Variants in ECE1 observed in about 807,000 individuals in gnomAD.
ECE1 encodes endothelin-converting enzyme 1.
ECE1 carries 35 observed loss-of-function variants against 98.6 expected under a neutral mutation model. That is an observed-to-expected ratio of 0.35 (90% CI 0.27 to 0.47). The LOEUF (loss-of-function observed/expected upper bound fraction) is 0.47, where lower values mean the gene tolerates loss of function less well. ECE1 is among the 20% of genes least tolerant of loss of function. The pLI is 1.00. For missense variants in ECE1, 814 were observed against 1,025.3 expected (o/e 0.79, Z 2.81); for synonymous variants, 394 against 407.1 (o/e 0.97, Z 0.39).
chr1:21,270,243 G>A (rs1294993363), intron 4 of ECE1, among the ~76,000 whole-genome samples: 3 of 152,230 alleles, frequency 2.0e-5, no homozygotes, highest in Non-Finnish European at 4.4e-5. Context: ...CTATAAAATG[G>A]GAACAACAAT....
chr1:21,296,939 G>A (rs1382069479), intron 1 of ECE1, among the ~76,000 whole-genome samples: 3 of 152,210 alleles, frequency 2.0e-5, no homozygotes, highest in African/African-American at 7.2e-5. Flanking sequence ...GAAGGCAGCA[G>A]GTGGGCAGGG....
At chr1:21,277,954 A>G (rs2098249427) in intron 3 of ECE1, among the ~76,000 whole-genome samples, 1 of 152,178 alleles carries the variant, frequency 6.6e-6, no homozygotes, top group Non-Finnish European at 1.5e-5. Flanking sequence ...GCTCTTTTCT[A>G]GGCCCCTGAG....
upstream of ECE1, among the ~76,000 whole-genome samples, chr1:21,291,603 A>G (rs529183517): frequency 6.6e-6 from 1 of 152,274 alleles, no homozygotes; most frequent in East Asian, 1.9e-4. Context: ...AGTTGGGTAG[A>G]TCACTTGAGG....
intron 1 of ECE1, among the ~76,000 whole-genome samples, chr1:21,305,992 G>A (rs1334045766): frequency 6.6e-6 from 1 of 152,246 alleles, no homozygotes; most frequent in Non-Finnish European, 1.5e-5. Flanking sequence ...TGGGCCCTGA[G>A]CAAGCAGCTG....
intron 10 of ECE1, among the ~76,000 whole-genome samples, chr1:21,238,662 T>TC (rs2103245266): frequency 1.3e-5 from 2 of 152,194 alleles, no homozygotes; most frequent in East Asian, 3.9e-4. Context: ...TCGTCCTGCC[T>TC]CCTGGGAAGA....
At chr1:21,320,415 C>CT (rs3061088) in intron 1 of ECE1, among the ~76,000 whole-genome samples, 22 of 151,702 alleles carry the variant, frequency 1.5e-4, no homozygotes, top group Non-Finnish European at 7.4e-5. Context: ...GAGAAATAAG[C>CT]TTTTTAAAAA....
At position 21,218,151 on chromosome 1, in the gene ECE1, C is replaced by T. The variant is rs776874467; in HGVS notation, c.*1804G>A. ...CAGGGAGGAGACAGACACCACAGGC[C>T]AGACTGGGTGGAGGAATCTTCCCCT... On this transcript the variant is annotated 3_prime_UTR_variant, in exon 19 of 19. Transcript: ENST00000374893. This position sits in a 1 kb window ranked among gnomAD's most constrained non-coding sequence, Gnocchi z 4.0. 1.3e-5 allele frequency: 2 copies of T among 152,340 alleles called. No individual in the cohort carries two copies. Among genetic ancestry groups the T allele is most frequent in the Non-Finnish European group, 1.5e-5 (1 of 68,144 alleles). The allele number at this position is 152,340 out of a possible 1,614,324, so 9.4% of individuals were successfully genotyped here. A position where few individuals can be genotyped will look rare whatever the true frequency, so the allele number is the denominator to read the frequency against.
intron 2 of ECE1, among the ~76,000 whole-genome samples, chr1:21,280,422 G>A (rs2098253083): frequency 6.6e-6 from 1 of 152,214 alleles, no homozygotes; most frequent in African/African-American, 2.4e-5. Context: ...AACGGGTGAT[G>A]TCTGGCCTGG....
In ECE1 at chr1:21,319,748, T is replaced by A. The variant is rs1302367179; in HGVS notation, c.3+25628A>T. 1.3e-5 allele frequency among the ~76,000 whole-genome samples: 2 copies of A among 152,170 alleles called. No individual in the cohort carries two copies. Among genetic ancestry groups the A allele is most frequent in the Admixed American group, 6.5e-5 (1 of 15,280 alleles). On this transcript the variant is annotated intron_variant, in intron 1 of 18. Coordinates refer to the ECE1 transcript ENST00000415912. The surrounding 1 kb of genome is among the most constrained non-coding windows in gnomAD (Gnocchi z 4.4). Reference sequence around the variant, plus strand: ...GCACGGCTCACTGTTCCCTAGTTTGTCTTGGTCCCCCAGAGGGCCAACAAG... The same window carrying A: ...GCACGGCTCACTGTTCCCTAGTTTGACTTGGTCCCCCAGAGGGCCAACAAG...
At chr1:21,314,037 A>G (rs1429745340) in intron 1 of ECE1, among the ~76,000 whole-genome samples, 2 of 152,230 alleles carry the variant, frequency 1.3e-5, no homozygotes, top group African/African-American at 4.8e-5. Context: ...CACCAGCAAA[A>G]GCCACATCTT....
intron 1 of ECE1, among the ~76,000 whole-genome samples, chr1:21,333,579 C>A (rs533793815): frequency 6.6e-6 from 1 of 152,318 alleles, no homozygotes; most frequent in Admixed American, 6.5e-5. Flanking sequence ...CGCCCATAAT[C>A]CCAACTTCTT....
chr1:21,247,401 C>T, intron 8 of ECE1, 38 bp from the exon 9 acceptor site: 1 of 1,614,060 alleles, frequency 6.2e-7, no homozygotes, highest in South Asian at 1.1e-5. Context: ...TGTGGGGCTG[C>T]TCCTCCTCAC....
chr1:21,251,395 A>G (rs9426751), intron 8 of ECE1, among the ~76,000 whole-genome samples: 6,608 of 151,636 alleles, frequency 0.044, 489 homozygotes, highest in African/African-American at 0.15. Flanking sequence ...CACGCCTGTA[A>G]TCCCAGCTAC....
intron 14 of ECE1, among the ~76,000 whole-genome samples, chr1:21,231,267 T>C (rs2098181400): frequency 6.6e-6 from 1 of 152,178 alleles, no homozygotes; most frequent in South Asian, 2.1e-4. Flanking sequence ...GTGAGATGGG[T>C]ACCACATTTC....
At chr1:21,311,676 G>A (rs573704770) in intron 1 of ECE1, among the ~76,000 whole-genome samples, 61 of 151,928 alleles carry the variant, frequency 4.0e-4, no homozygotes, top group African/African-American at 1.4e-3. Context: ...ATTAGCAGGC[G>A]TGGTGGTGCA....
At chr1:21,231,602 A>G (rs975172100) in intron 14 of ECE1, among the ~76,000 whole-genome samples, 1 of 152,090 alleles carries the variant, frequency 6.6e-6, no homozygotes, top group Non-Finnish European at 1.5e-5. Context: ...TTGGCCTCCC[A>G]AAGTACTGGG....
At chr1:21,254,612 G>A (rs897762327) in intron 8 of ECE1, among the ~76,000 whole-genome samples, 7 of 152,172 alleles carry the variant, frequency 4.6e-5, no homozygotes, top group African/African-American at 1.4e-4. Flanking sequence ...TCATGGCCAC[G>A]GTAGGGGGCT....
chr1:21,242,354 A>G (rs1427699286), intron 10 of ECE1, among the ~76,000 whole-genome samples: 1 of 152,162 alleles, frequency 6.6e-6, no homozygotes, highest in African/African-American at 2.4e-5. Context: ...CCCATGCTCT[A>G]TGCTTTTTCC....
chr1:21,240,735 T>G (rs376275486), intron 10 of ECE1, among the ~76,000 whole-genome samples: 4 of 152,164 alleles, frequency 2.6e-5, no homozygotes, highest in Admixed American at 2.6e-4. Context: ...GCTGGACACA[T>G]GGTCTGTGTC....
Sources: gnomAD v4.1 joint callset for allele counts (sites outside exome capture counted in the v4.1 genomes callset) on GRCh38, gnomAD v4.1.1 for gene constraint, Gnocchi (gnomAD v3.1) non-coding constraint, MANE v1.5 for transcripts, NCBI Gene and HGNC (gene_info 2026-07-23, HGNC 2026-07-21) for gene names.